Variants in PPL observed in about 807,000 individuals in gnomAD.
PPL encodes the protein periplakin.
A neutral mutation model predicts 194.4 loss-of-function variants in PPL; 198 were observed. The ratio of observed to expected loss-of-function variants is 1.02; its 90% confidence interval spans 0.91 to 1.15. PPL has a LOEUF of 1.15. Among genes scored for constraint, PPL ranks in the 50% most tolerant of loss-of-function variants. The pLI, the probability that PPL is intolerant of heterozygous loss-of-function variation, is 0.00. For synonymous variants in PPL, 1,220 were observed against 972.4 expected (o/e 1.25, Z -4.74); for missense variants, 2,885 against 2,294.8 (o/e 1.26, Z -5.25).
chr16:4,885,928 C>T lies in PPL; in HGVS notation c.2727G>A (p.Leu909=), dbSNP rs141362442. 17 of 1,612,782 alleles carry T rather than the reference C, an allele frequency of 1.1e-5. No homozygotes were observed. In the African/African-American group the frequency reaches 1.7e-4, roughly 16 times the overall value. ...LDEETERRRQ[L]ENEVKSTQEE... ...CCTGGGTGCTCTTGACCTCGTTCTC[C>T]AGCTGCCGCCTCCGCTCAGTCTCCT... Residue 909 remains leucine, a synonymous_variant, in exon 22 of 22, where the codon CTG becomes CTA. Transcript: ENST00000345988. The surrounding 1 kb of genome is among the most constrained non-coding windows in gnomAD (Gnocchi z 6.3).
At chr16:4,893,032 G>A in intron 14 of PPL, 181 bp downstream of exon 14, 1 of 719,084 alleles carries the variant, frequency 1.4e-6, no homozygotes, top group Non-Finnish European at 2.1e-6. Context: ...TCCTGGGGAG[G>A]TAATGACAGC....
chr16:4,894,417 G>A (rs762506812), intron 12 of PPL, 50 bp downstream of exon 12: 3 of 1,597,606 alleles, frequency 1.9e-6, no homozygotes, highest in Admixed American at 1.7e-5. Flanking sequence ...GGCCTGAGAA[G>A]CCCTGGGGGT....
intron 18 of PPL, among the ~76,000 whole-genome samples, 180 bp from the exon 19 acceptor site, chr16:4,889,241 G>GTTGTT (rs2088274147): frequency 1.2e-4 from 8 of 66,632 alleles, no homozygotes; most frequent in South Asian, 1.2e-3. Context: ...TGTTGTTGTT[G>GTTGTT]TTTTTTTTTT....
intron 3 of PPL, among the ~76,000 whole-genome samples, chr16:4,903,139 C>T (rs986694699): frequency 1.3e-5 from 2 of 152,044 alleles, no homozygotes; most frequent in African/African-American, 4.8e-5. Context: ...GCATGCCATG[C>T]CAAGGACAAG....
At chr16:4,905,269 AG>A (rs1480769338) in intron 2 of PPL, among the ~76,000 whole-genome samples, 1 of 152,372 alleles carries the variant, frequency 6.6e-6, no homozygotes, top group East Asian at 1.9e-4. Flanking sequence ...AACAAAGAGC[AG>A]GAACTACGGA....
At chr16:4,914,067 G>A (rs1207933261) in intron 1 of PPL, among the ~76,000 whole-genome samples, 1 of 152,232 alleles carries the variant, frequency 6.6e-6, no homozygotes, top group Non-Finnish European at 1.5e-5. Context: ...AGGAGGTGGT[G>A]TCGGCTGGGT....
Position 4,890,190 on chromosome 16 carries a change from G to A in PPL, c.2307C>T (p.Asn769=), listed in dbSNP as rs1158619693. The part of the protein sequence containing the change: ...SLSQMETKLK[N]QKNLLDEIAS... Reference sequence around the variant, plus strand: ...GCGGAAACGGCCATCTCACCTTCTGGTTCTTCAGCTTGGTCTCCATCTGGC... The same window carrying A: ...GCGGAAACGGCCATCTCACCTTCTGATTCTTCAGCTTGGTCTCCATCTGGC... Residue 769 remains asparagine, a synonymous_variant, in exon 18 of 22, where the codon AAC becomes AAT. Coordinates refer to ENST00000345988, the MANE Select transcript of PPL (RefSeq NM_002705.5). The A allele has an allele frequency of 1.2e-6, 2 of 1,614,182 alleles. No homozygotes were observed. Among genetic ancestry groups the A allele is most frequent in the African/African-American group, 1.3e-5 (1 of 75,056 alleles).
chr16:4,897,121 G>A (rs892344026), intron 9 of PPL, among the ~76,000 whole-genome samples: 1 of 151,544 alleles, frequency 6.6e-6, no homozygotes, highest in Non-Finnish European at 1.5e-5. Flanking sequence ...GATCACCTGA[G>A]GTCAGGAGTT....
At chr16:4,889,262 T>TTTTTTTTTTTTTTTTTTTTTTTTTTTC (rs2088277611) in intron 18 of PPL, among the ~76,000 whole-genome samples, 1 of 130,152 alleles carries the variant, frequency 7.7e-6, no homozygotes, top group Non-Finnish European at 1.6e-5. Flanking sequence ...TTTTTTTTTT[T>TTTTTTTTTTTTTTTTTTTTTTTTTTTC]TTTTTTTTTT....
intron 2 of PPL, among the ~76,000 whole-genome samples, chr16:4,910,602 G>C (rs1409448874): frequency 6.6e-6 from 1 of 152,130 alleles, no homozygotes; most frequent in Non-Finnish European, 1.5e-5. Flanking sequence ...ACAGAGCAGG[G>C]CTTCCTGACC....
chr16:4,897,587 C>G, intron 9 of PPL, 88 bp downstream of exon 9: 1 of 1,037,212 alleles, frequency 9.6e-7, no homozygotes. Flanking sequence ...CCAAGGAGCA[C>G]GAGGCCACAC....
intron 11 of PPL, 80 bp from the exon 12 acceptor site, chr16:4,894,698 C>G: frequency 1.3e-6 from 2 of 1,519,510 alleles, no homozygotes; most frequent in Non-Finnish European, 1.8e-6. Flanking sequence ...CAGCCCCCGA[C>G]TCTTGGACCT....
At position 4,883,294 on chromosome 16, in the gene PPL, C is replaced by T. The variant is rs965767582; in HGVS notation, c.*90G>A. ...TATGTATAAAATGCTTGGCCTGCAC[C>T]AGGGCAAGGGAGAGGACGACACCAA... is the stretch of plus-strand genomic sequence containing the variant. On this transcript the variant is annotated 3_prime_UTR_variant, in exon 22 of 22. Coordinates refer to ENST00000345988, the MANE Select transcript of PPL (RefSeq NM_002705.5). This position sits in a 1 kb window ranked among gnomAD's most constrained non-coding sequence, Gnocchi z 4.8. The T allele has an allele frequency of 3.2e-6, 5 of 1,562,608 alleles. No homozygotes were observed. In the African/African-American group the frequency reaches 5.5e-5, roughly 17 times the overall value.
intron 1 of PPL, among the ~76,000 whole-genome samples, chr16:4,923,225 G>A (rs987789281): frequency 1.3e-5 from 2 of 152,214 alleles, no homozygotes; most frequent in South Asian, 2.1e-4. Flanking sequence ...CTGGGAACGC[G>A]TCTCCTGCGC....
At chr16:4,935,200 T>A (rs1485909879) in intron 1 of PPL, among the ~76,000 whole-genome samples, 1 of 152,198 alleles carries the variant, frequency 6.6e-6, no homozygotes, top group South Asian at 2.1e-4. Context: ...TTCATCCTCA[T>A]GCTTCTGGGA....
chr16:4,921,571 A>G (rs1315712603), intron 1 of PPL, among the ~76,000 whole-genome samples: 3 of 151,954 alleles, frequency 2.0e-5, no homozygotes, highest in East Asian at 1.9e-4. Context: ...GGTTCAAGCA[A>G]TTCTCGTGCC....
chr16:4,897,047 C>G (rs777890119), intron 9 of PPL, among the ~76,000 whole-genome samples: 1 of 151,930 alleles, frequency 6.6e-6, no homozygotes, highest in Non-Finnish European at 1.5e-5. Context: ...CTTAAAAATG[C>G]AAACTGGCCG....
At chr16:4,891,582 C>T (rs1172893625) in intron 16 of PPL, 1 of 518,650 alleles carries the variant, frequency 1.9e-6, no homozygotes, top group Non-Finnish European at 3.4e-6. Context: ...CTGGCTATTG[C>T]AGATATTTGA....
At chr16:4,892,420 A>C (rs2088337965) in intron 14 of PPL, among the ~76,000 whole-genome samples, 1 of 152,104 alleles carries the variant, frequency 6.6e-6, no homozygotes, top group South Asian at 2.1e-4. Context: ...GCTGAGGTGG[A>C]ATGGACTAGT....
Sources: gnomAD v4.1 joint callset for allele counts (sites outside exome capture counted in the v4.1 genomes callset) on GRCh38, gnomAD v4.1.1 for gene constraint, Gnocchi (gnomAD v3.1) non-coding constraint, MANE v1.5 for transcripts, NCBI Gene and HGNC (gene_info 2026-07-23, HGNC 2026-07-21) for gene names.